NPAS3: variants seen among roughly 807,000 people sequenced by gnomAD.
NPAS3 encodes neuronal PAS domain-containing protein 3.
A neutral mutation model predicts 73.1 loss-of-function variants in NPAS3; 14 were observed. The ratio of observed to expected loss-of-function variants is 0.19; its 90% CI spans 0.13 to 0.30. The LOEUF (loss-of-function observed/expected upper bound fraction) is 0.30, where lower values mean the gene tolerates loss of function less well. Ranked by LOEUF, NPAS3 falls within the 10% of genes least tolerant of loss-of-function variation. The pLI is 1.00. For synonymous variants in NPAS3, 620 were observed against 541.5 expected, an observed-to-expected ratio of 1.14 and a Z score of -2.01; for missense variants, 1,096 against 1,250.0, an observed-to-expected ratio of 0.88 and a Z score of 1.86.
intron 5 of NPAS3, among the ~76,000 whole-genome samples, chr14:33,607,094 G>A (rs1567048978): frequency 6.6e-6 from 1 of 152,116 alleles, no homozygotes; most frequent in Admixed American, 6.6e-5. Flanking sequence ...CTCATACATT[G>A]TTGAGAAAAA....
At chr14:33,696,380 C>T (rs1306280508) in intron 6 of NPAS3, among the ~76,000 whole-genome samples, 1 of 152,150 alleles carries the variant, frequency 6.6e-6, no homozygotes, top group African/African-American at 2.4e-5. Flanking sequence ...GAGCCACTTT[C>T]GTCACCCACA....
intron 4 of NPAS3, among the ~76,000 whole-genome samples, chr14:33,370,213 A>C (rs556880127): frequency 6.6e-6 from 1 of 152,312 alleles, no homozygotes; most frequent in South Asian, 2.1e-4. Context: ...AGGAGGTTGC[A>C]TGAAGTGAGA....
chr14:33,322,506 TTG>T (rs1427809015), intron 3 of NPAS3, among the ~76,000 whole-genome samples: 1 of 144,626 alleles, frequency 6.9e-6, no homozygotes, highest in Non-Finnish European at 1.5e-5. Context: ...ACATACACAT[TTG>T]TGTGTGTGTA....
intron 4 of NPAS3, among the ~76,000 whole-genome samples, chr14:33,404,775 T>G (rs779365236): frequency 6.6e-6 from 1 of 152,108 alleles, no homozygotes; most frequent in Non-Finnish European, 1.5e-5. Context: ...GAATGACAGA[T>G]TCTACCCTCT....
At chr14:33,180,785 C>T (rs953338366) in intron 2 of NPAS3, among the ~76,000 whole-genome samples, 23 of 108,458 alleles carry the variant, frequency 2.1e-4, no homozygotes, top group Admixed American at 1.4e-3. Flanking sequence ...GGCGACAGAG[C>T]GAGACACTGT....
chr14:33,294,755 G>A (rs1395423160), intron 3 of NPAS3, among the ~76,000 whole-genome samples: 1 of 152,146 alleles, frequency 6.6e-6, no homozygotes, highest in Non-Finnish European at 1.5e-5. Flanking sequence ...TTGAATAAAG[G>A]AGTATTTATG....
At chr14:33,801,733 T>TG (rs1555337424), downstream of NPAS3, 3 of 149,818 alleles carry the variant, frequency 2.0e-5, no homozygotes, top group Non-Finnish European at 3.0e-5. Context: ...CTAGAATGTT[T>TG]AAAAAAAAAA....
intron 6 of NPAS3, among the ~76,000 whole-genome samples, chr14:33,683,426 T>G (rs116740037): frequency 0.12 from 3,964 of 31,936 alleles, 194 homozygotes; most frequent in African/African-American, 0.36. Context: ...TTTCCTCATT[T>G]CAAAAAAAAA....
intron 8 of NPAS3, among the ~76,000 whole-genome samples, chr14:33,775,045 TAA>T (rs560081496): frequency 1.3e-5 from 2 of 152,064 alleles, no homozygotes; most frequent in Non-Finnish European, 2.9e-5. Context: ...TTTTATAAAT[TAA>T]AAAAAGATGA....
chr14:33,439,844 G>T (rs1487136036), intron 4 of NPAS3, among the ~76,000 whole-genome samples: 6 of 152,136 alleles, frequency 3.9e-5, no homozygotes, highest in Admixed American at 2.6e-4. Context: ...GGCTGGGCGT[G>T]GTGGCTCACG....
At chr14:33,261,565 G>T (rs1016634630) in intron 3 of NPAS3, among the ~76,000 whole-genome samples, 3 of 152,044 alleles carry the variant, frequency 2.0e-5, no homozygotes, top group African/African-American at 7.2e-5. Flanking sequence ...CAGTTTTAAT[G>T]TTGCATTTAA....
At chr14:33,042,568 C>T (rs577180934) in intron 1 of NPAS3, among the ~76,000 whole-genome samples, 1 of 152,272 alleles carries the variant, frequency 6.6e-6, no homozygotes, top group African/African-American at 2.4e-5. Flanking sequence ...TTGCTCTCTA[C>T]CCCATTCTAT....
intron 4 of NPAS3, among the ~76,000 whole-genome samples, chr14:33,516,076 T>C (rs568021976): frequency 5.9e-5 from 9 of 151,816 alleles, no homozygotes; most frequent in African/African-American, 2.2e-4. Context: ...CTCTGCTAAG[T>C]ATACTAAATA....
intron 3 of NPAS3, among the ~76,000 whole-genome samples, chr14:33,294,964 G>A (rs543647472): frequency 1.8e-4 from 28 of 152,210 alleles, no homozygotes; most frequent in African/African-American, 5.8e-4. Flanking sequence ...TGTGGTGTTC[G>A]GGATCTTGCA....
intron 3 of NPAS3, among the ~76,000 whole-genome samples, chr14:33,337,719 G>A (rs2044292056): frequency 2.6e-5 from 4 of 151,952 alleles, no homozygotes; most frequent in African/African-American, 4.8e-5. Flanking sequence ...TGTGAACATG[G>A]CATATCTCTT....
intron 5 of NPAS3, among the ~76,000 whole-genome samples, chr14:33,602,959 C>G (rs2057446381): frequency 6.6e-6 from 1 of 152,140 alleles, no homozygotes; most frequent in Non-Finnish European, 1.5e-5. Context: ...TACCCATGAT[C>G]CAACAATGTA....
chr14:33,385,214 G>A (rs948950529), intron 4 of NPAS3, among the ~76,000 whole-genome samples: 2 of 152,304 alleles, frequency 1.3e-5, no homozygotes, highest in South Asian at 4.1e-4. Flanking sequence ...GAGAGGTGAT[G>A]TGTAGATGAC....
Position 33,174,940 on chromosome 14 carries a change from C to T in NPAS3, c.141-40242C>T, listed in dbSNP as rs375991745. ...CATGGTCATAACCATTCACCAGACT[C>T]GTTGGTTTCTTCACTGGTCCATTTC... On this transcript the variant is annotated intron_variant, in intron 2 of 11. Coordinates refer to ENST00000356141, the Ensembl canonical transcript of NPAS3. Among the ~76,000 whole-genome samples, 17 of 152,212 alleles carry T rather than the reference C, an allele frequency of 1.1e-4. No homozygotes were observed. The East Asian group carries it at 1.9e-3, about 17-fold the overall frequency.
chr14:33,584,666 T>A (rs536970028), intron 5 of NPAS3, among the ~76,000 whole-genome samples: 6 of 152,120 alleles, frequency 3.9e-5, no homozygotes, highest in East Asian at 1.9e-4. Flanking sequence ...CCCACAGAGT[T>A]TAGAGCCTCA....
Sources: allele counts gnomAD v4.1 joint callset (sites outside exome capture counted in the v4.1 genomes callset), GRCh38; gene constraint gnomAD v4.1.1; transcripts MANE v1.5; gene names NCBI Gene and HGNC (gene_info 2026-07-23, HGNC 2026-07-21).